PCDHGB1: variants seen among roughly 807,000 people sequenced by gnomAD.
PCDHGB1 encodes protocadherin gamma subfamily B, 1.
In PCDHGB1, 34 loss-of-function variants were observed where a neutral mutation model predicts 56.6. That is an observed-to-expected ratio of 0.60 (90% confidence interval 0.46 to 0.80). The LOEUF (loss-of-function observed/expected upper bound fraction) is 0.80. Among genes scored for constraint, PCDHGB1 ranks in the 30% least tolerant of loss-of-function variants. PCDHGB1 has a pLI of 0.00. For synonymous variants in PCDHGB1, 561 were observed against 505.9 expected (o/e 1.11, Z -1.46); for missense variants, 1,278 against 1,204.6 (o/e 1.06, Z -0.90).
chr5:141,414,588 G>A, intron 1 of PCDHGB1: 1 of 1,613,872 alleles, frequency 6.2e-7, no homozygotes, highest in Non-Finnish European at 8.5e-7. Flanking sequence ...ACAACGCCAG[G>A]GGTGCCTCCA....
chr5:141,460,498 T>G (rs1028506755), intron 1 of PCDHGB1, among the ~76,000 whole-genome samples: 1 of 152,184 alleles, frequency 6.6e-6, no homozygotes. Context: ...TGGAAAAATA[T>G]GCTGAGAAGG....
intron 2 of PCDHGB1, 50 bp from the exon 3 acceptor site, chr5:141,505,343 G>A: frequency 1.9e-6 from 3 of 1,612,934 alleles, no homozygotes; most frequent in Non-Finnish European, 2.5e-6. Flanking sequence ...GGAGGGGCAT[G>A]AGCTGTGCCG....
intron 1 of PCDHGB1, among the ~76,000 whole-genome samples, chr5:141,454,859 G>A (rs2098805080): frequency 7.9e-6 from 1 of 126,982 alleles, no homozygotes; most frequent in African/African-American, 3.1e-5. Flanking sequence ...CCAGGCTGGA[G>A]TGCAGTGGCA....
chr5:141,384,210 C>T (rs1298573358), intron 1 of PCDHGB1: 2 of 1,613,886 alleles, frequency 1.2e-6, no homozygotes, highest in South Asian at 1.1e-5. Flanking sequence ...GGGAAACTCA[C>T]ATATTCATGC....
chr5:141,430,661 GCT>G, intron 1 of PCDHGB1: 1 of 1,159,744 alleles, frequency 8.6e-7, no homozygotes, highest in South Asian at 2.1e-5. Flanking sequence ...CAACGGAGGA[GCT>G]CTGACTTCCC....
intron 1 of PCDHGB1, chr5:141,357,724 T>C (rs1052718500): frequency 1.4e-6 from 2 of 1,392,936 alleles, no homozygotes; most frequent in African/African-American, 2.9e-5. Context: ...AGTTGCCTCT[T>C]TTAATATTTT....
At chr5:141,385,566 C>T in intron 1 of PCDHGB1, 1 of 1,303,468 alleles carries the variant, frequency 7.7e-7, no homozygotes, top group Non-Finnish European at 9.7e-7. Context: ...TAATTTCCAC[C>T]TACTTTCCAA....
chr5:141,413,441 T>C (rs760538286), intron 1 of PCDHGB1: 1 of 1,614,056 alleles, frequency 6.2e-7, no homozygotes, highest in Non-Finnish European at 8.5e-7. Flanking sequence ...GGCAGCTTGA[T>C]CACCGCGGGC....
At chr5:141,364,601 G>C in intron 1 of PCDHGB1, 1 of 1,614,194 alleles carries the variant, frequency 6.2e-7, no homozygotes, top group Non-Finnish European at 8.5e-7. Context: ...GGGCAGGATA[G>C]ACCGGGAGGA....
chr5:141,382,017 C>T (rs1288762588), intron 1 of PCDHGB1, among the ~76,000 whole-genome samples: 2 of 151,562 alleles, frequency 1.3e-5, no homozygotes, highest in African/African-American at 2.4e-5. Flanking sequence ...TTAGTAGAGA[C>T]GGGGTTTCTC....
intron 1 of PCDHGB1, chr5:141,383,266 A>T: frequency 6.2e-7 from 1 of 1,613,948 alleles, no homozygotes. Context: ...AGACGTGGAA[A>T]TAATAGATAT....
At chr5:141,362,879 A>T (rs1762711242) in intron 1 of PCDHGB1, among the ~76,000 whole-genome samples, 1 of 152,216 alleles carries the variant, frequency 6.6e-6, no homozygotes, top group African/African-American at 2.4e-5. Context: ...TGTTATTCAA[A>T]TTTTAGTTTT....
chr5:141,408,390 C>T (rs375719639), intron 1 of PCDHGB1: 1 of 1,613,902 alleles, frequency 6.2e-7, no homozygotes, highest in East Asian at 2.2e-5. Context: ...GATGTGTCGG[C>T]TCGCAAGCTG....
At chr5:141,361,288 C>T (rs1213603447) in intron 1 of PCDHGB1, 21 of 1,613,934 alleles carry the variant, frequency 1.3e-5, no homozygotes, top group Non-Finnish European at 1.8e-5. Flanking sequence ...AGTTTACTGC[C>T]AAGTGTTGGG....
At chr5:141,418,127 A>T in intron 1 of PCDHGB1, 1 of 1,614,104 alleles carries the variant, frequency 6.2e-7, no homozygotes, top group Non-Finnish European at 8.5e-7. Context: ...GAAGGACCGA[A>T]TAGACCGTGA....
chr5:141,395,559 T>TA (rs2093276349), intron 1 of PCDHGB1: 2 of 220,962 alleles, frequency 9.1e-6, no homozygotes, highest in Admixed American at 1.1e-4. Flanking sequence ...TGTGTGTGTG[T>TA]GTGTGTGTGT....
intron 1 of PCDHGB1, chr5:141,382,965 C>A (rs1186922348): frequency 2.5e-6 from 4 of 1,608,612 alleles, no homozygotes; most frequent in Non-Finnish European, 3.4e-6. Context: ...TCCTGGGGAC[C>A]CCCTGGGAAG....
At chr5:141,509,692 C>T (rs755446680) in intron 3 of PCDHGB1, among the ~76,000 whole-genome samples, 8 of 152,126 alleles carry the variant, frequency 5.3e-5, no homozygotes, top group Non-Finnish European at 1.0e-4. Context: ...TACAGTGGGA[C>T]GTTGGACTGG....
At chr5:141,433,215 T>A (rs755571112) in intron 1 of PCDHGB1, 1 of 1,568,720 alleles carries the variant, frequency 6.4e-7, no homozygotes, top group South Asian at 1.2e-5. Flanking sequence ...TTTCTTTTTT[T>A]TTTTTAATTG....
Sources: gnomAD v4.1 joint callset for allele counts (sites outside exome capture counted in the v4.1 genomes callset) on GRCh38, gnomAD v4.1.1 for gene constraint, MANE v1.5 for transcripts, NCBI Gene and HGNC (gene_info 2026-07-23, HGNC 2026-07-21) for gene names.